Variants in PLEC observed in about 807,000 individuals in gnomAD.
PLEC encodes the protein plectin, also known as hemidesmosomal protein 1.
In PLEC, 216 loss-of-function variants were observed where a neutral mutation model predicts 392.8. The ratio of observed to expected loss-of-function variants is 0.55; its 90% CI spans 0.49 to 0.62. The LOEUF (loss-of-function observed/expected upper bound fraction) is 0.62, where lower values mean the gene tolerates loss of function less well. Among genes scored for constraint, PLEC ranks in the 20% least tolerant of loss-of-function variants. PLEC has a pLI of 0.00. For synonymous variants in PLEC, 3,621 were observed against 2,980.6 expected, an observed-to-expected ratio of 1.21 and a Z score of -7.00; for missense variants, 6,863 against 6,563.4, an observed-to-expected ratio of 1.05 and a Z score of -1.58.
At chr8:143,967,337 TG>T (rs1554742598) in intron 1 of PLEC, among the ~76,000 whole-genome samples, 1 of 116,922 alleles carries the variant, frequency 8.6e-6, no homozygotes, top group Non-Finnish European at 1.6e-5. Flanking sequence ...CATTCCAGCC[TG>T]GGCAACAGAG....
chr8:143,917,538 T>C lies in PLEC; in HGVS notation c.12283A>G (p.Thr4095Ala). ...TGCAGGTAGGTGAGGTTCTCCTCCG[T>C]GTTAGGGTCAAAGAAGCCCTTGGTG... is the stretch of plus-strand genomic sequence containing the variant. ...DDTKGFFDPNTEENLTYLQLM... is the reference protein window; with the variant it reads ...DDTKGFFDPNAEENLTYLQLM... Residue 4095 changes from threonine (T) to alanine (A), a missense_variant, in exon 32 of 32, where the codon ACG becomes GCG. By Grantham distance (58) the Thr-to-Ala change is moderately conservative. Transcript: ENST00000345136. 1.2e-6 allele frequency: 2 copies of C among 1,613,900 alleles called. No homozygotes were observed. The highest frequency in any genetic ancestry group is 1.1e-5 in the South Asian group (1 of 91,078).
At chr8:143,966,438 G>A (rs868928934) in intron 1 of PLEC, among the ~76,000 whole-genome samples, 3 of 152,196 alleles carry the variant, frequency 2.0e-5, no homozygotes, top group African/African-American at 4.8e-5. Context: ...AAGGCTAAGC[G>A]CTGGCTCTTC....
chr8:143,952,113 C>A (rs185259673), upstream of PLEC, among the ~76,000 whole-genome samples: 1,691 of 152,242 alleles, frequency 0.011, 13 homozygotes, highest in Admixed American at 0.017. Context: ...AGCCGGCAGG[C>A]GGCCAACAAG....
Position 143,930,551 on chromosome 8 carries a change from C to T in PLEC, c.2305-15G>A, listed in dbSNP as rs972598339. ...TCCTTCTCGTCCTGTGGGGGAGGGG[C>T]AGCATCCAGACGAGGGCCATGGAGA... On this transcript the variant is annotated splice_polypyrimidine_tract_variant and intron_variant, in intron 19 of 31. Coordinates refer to ENST00000345136, the MANE Select transcript of PLEC (RefSeq NM_201384.3). The T allele has an allele frequency of 1.9e-5, 30 of 1,576,828 alleles. No individual in the cohort carries two copies. The highest frequency in any genetic ancestry group is 3.3e-4 in the Middle Eastern group (2 of 6,032).
At position 143,924,347 on chromosome 8, in the gene PLEC, G is replaced by C. The variant is rs200949161; in HGVS notation, c.5582C>G (p.Ala1861Gly). Residue 1861 changes from alanine to glycine, a missense_variant, in exon 31 of 32, where the codon GCG (alanine) becomes GGG (glycine). Transcript: ENST00000345136. ...CAGCCGCCGCAGGCGCTCGTTCTCC[G>C]CCTCCTTCTCCTTGAGCGCGATCTC... Reference protein sequence around the residue: ...EAEIALKEKEAENERLRRLAE... With the variant: ...EAEIALKEKEGENERLRRLAE... 6.3e-7 allele frequency: 1 copy of C among 1,596,764 alleles called. No homozygotes were observed. Among genetic ancestry groups the C allele is most frequent in the East Asian group, 2.2e-5 (1 of 44,746 alleles).
intron 5 of PLEC, among the ~76,000 whole-genome samples, chr8:143,936,753 G>C (rs1829153686): frequency 6.6e-6 from 1 of 152,224 alleles, no homozygotes; most frequent in African/African-American, 2.4e-5. Flanking sequence ...GCCAGGGCCA[G>C]AGGGCACGGA....
Position 143,932,021 on chromosome 8 carries a change from C to G in PLEC, c.2094G>C (p.Ala698=), listed in dbSNP as rs373347166. ...TCCAGCTCCACTGCGTCTGCAGGGC[C>G]GCCTGGAAGGACTGCGGGACAGCAG... is the stretch of plus-strand genomic sequence containing the variant. ...PARPTVESFQ[A]ALQTQWSWML... The change falls in exon 18 of 32, where the codon GCG becomes GCC. Residue 698 remains alanine, a synonymous_variant. Coordinates refer to ENST00000345136, the MANE Select transcript of PLEC (RefSeq NM_201384.3). The G allele has an allele frequency of 1.5e-5, 24 of 1,601,814 alleles. No homozygotes were observed. The highest frequency in any genetic ancestry group is 2.0e-5 in the Non-Finnish European group (24 of 1,175,246).
chr8:143,924,351 CCTT>C lies in PLEC; in HGVS notation c.5575_5577del (p.Lys1859del), dbSNP rs782464425. On this transcript the variant is annotated inframe_deletion, in exon 31 of 32. Coordinates refer to ENST00000345136, the MANE Select transcript of PLEC (RefSeq NM_201384.3). ...CGCCGCAGGCGCTCGTTCTCCGCCT[CCTT>C]CTCCTTGAGCGCGATCTCCGCCTCC... The C allele has an allele frequency of 1.6e-5, 25 of 1,597,022 alleles. No homozygotes were observed. The highest frequency in any genetic ancestry group is 2.2e-5 in the East Asian group (1 of 44,798).
At chr8:143,947,765 A>C (rs536763055) in intron 1 of PLEC, among the ~76,000 whole-genome samples, 1 of 152,208 alleles carries the variant, frequency 6.6e-6, no homozygotes, top group Admixed American at 6.5e-5. Context: ...AATAAGTAAA[A>C]TAAAAATGAA....
chr8:143,952,194 ACACACACACACACACGCGCG>A (rs1313553787), upstream of PLEC, among the ~76,000 whole-genome samples: 1 of 124,578 alleles, frequency 8.0e-6, no homozygotes, highest in Non-Finnish European at 1.7e-5. Context: ...ACACACACAC[ACACACACACACACACGCGCG>A]CACACACGCA....
chr8:143,938,742 G>A (rs1283700005), intron 1 of PLEC, 50 bp from the exon 2 acceptor site: 6 of 1,528,572 alleles, frequency 3.9e-6, no homozygotes, highest in Non-Finnish European at 4.5e-6. Flanking sequence ...AGCCCCGGGG[G>A]CCCTCAGGTG....
At chr8:143,930,603 A>G in intron 19 of PLEC, 67 bp from the exon 20 acceptor site, 1 of 1,519,782 alleles carries the variant, frequency 6.6e-7, no homozygotes, top group Non-Finnish European at 8.9e-7. Flanking sequence ...AGGCACCCCC[A>G]GACCCCGGGA....
rs782464700 is a variant in PLEC, at chr8:143,927,313, C to A, written c.3779G>T (p.Arg1260Leu). 1.9e-6 allele frequency: 3 copies of A among 1,613,156 alleles called. No homozygotes were observed. The highest frequency in any genetic ancestry group is 2.5e-6 in the Non-Finnish European group (3 of 1,179,930). The change falls in exon 28 of 32, where the codon CGC (arginine) becomes CTC (leucine). Residue 1260 changes from arginine to leucine, a missense_variant. Coordinates refer to ENST00000345136, the MANE Select transcript of PLEC (RefSeq NM_201384.3). ...GCACTCCTCGACCTTCTCGCCGTGG[C>A]GCTCGATCTCCTCCAGCAGGGCCTG... The part of the protein sequence containing the change: ...QEQALLEEIE[R>L]HGEKVEECQR...
chr8:143,956,328 G>A (rs928885240), upstream of PLEC, among the ~76,000 whole-genome samples: 4 of 152,174 alleles, frequency 2.6e-5, no homozygotes, highest in African/African-American at 9.7e-5. Flanking sequence ...AGCACTTTCC[G>A]AGGCTGAGAC....
At position 143,922,127 on chromosome 8, in the gene PLEC, C is replaced by T. The variant is rs1554688432; in HGVS notation, c.7694G>A (p.Gly2565Asp). 1.3e-6 allele frequency: 2 copies of T among 1,541,634 alleles called. No individual in the cohort carries two copies. Among genetic ancestry groups the T allele is most frequent in the Non-Finnish European group, 1.7e-6 (2 of 1,149,608 alleles). Reference sequence around the variant, plus strand: ...CAGCTCCTCCTGCTTGCGCCGCACGCCCTCCTCGGCCTCATGCTGCCGCCG... The same window carrying T: ...CAGCTCCTCCTGCTTGCGCCGCACGTCCTCCTCGGCCTCATGCTGCCGCCG... The part of the protein sequence containing the change: ...ARRRQHEAEE[G>D]VRRKQEELQQ... Residue 2565 changes from glycine to aspartate, a missense_variant, in exon 32 of 32, where the codon GGC (glycine) becomes GAC (aspartate). Physicochemically the swap from Gly to Asp is moderately conservative, Grantham distance 94. Coordinates refer to ENST00000345136, the MANE Select transcript of PLEC (RefSeq NM_201384.3).
intron 1 of PLEC, among the ~76,000 whole-genome samples, chr8:143,966,601 C>T (rs1224806862): frequency 6.6e-6 from 1 of 152,196 alleles, no homozygotes; most frequent in Middle Eastern, 3.2e-3. Flanking sequence ...CCCTCCCACC[C>T]AACGCTTGTT....
In PLEC at chr8:143,927,436, C is replaced by T. The variant is rs782649007; in HGVS notation, c.3730G>A (p.Val1244Met). The T allele has an allele frequency of 5.6e-6, 9 of 1,600,994 alleles. No individual in the cohort carries two copies. Among genetic ancestry groups the T allele is most frequent in the Non-Finnish European group, 7.6e-6 (9 of 1,178,776 alleles). Residue 1244 changes from valine (V) to methionine (M), a missense_variant, in exon 27 of 32, where the codon GTG becomes ATG. Coordinates refer to ENST00000345136, the MANE Select transcript of PLEC (RefSeq NM_201384.3). ...TGCTCCTGCCGCAGCTGCTCCCGCA[C>T]AGCCTGGCTGTCGGCCAGCGGCATG... ...QAMPLADSQA[V>M]REQLRQEQAL... is the part of the protein sequence containing the mutation.
rs757255879 is a variant in PLEC, at chr8:143,932,673, A to G, written c.1777T>C (p.Cys593Arg). 5.0e-6 allele frequency: 8 copies of G among 1,610,376 alleles called. No homozygotes were observed. Among genetic ancestry groups the G allele is most frequent in the Non-Finnish European group, 6.8e-6 (8 of 1,179,012 alleles). The change falls in exon 15 of 32, where the codon TGC becomes CGC. Residue 593 changes from cysteine to arginine, a missense_variant. Cys to Arg is a radical substitution (Grantham distance 180). Transcript: ENST00000345136. ...SPATRGAYRD[C>R]LGRLDLQYAK... The stretch of plus-strand genomic sequence containing the variant: ...TACTGCAGGTCCAGCCGACCCAGGC[A>G]GTCACGGTAGGCACCCCGGGTGGCG...
At chr8:143,935,789 A>C in intron 6 of PLEC, 59 bp downstream of exon 6, 2 of 1,575,486 alleles carry the variant, frequency 1.3e-6, no homozygotes, top group African/African-American at 1.3e-5. Context: ...GAAGTTGCCT[A>C]GTGGAGGCGC....
Sources: gnomAD v4.1 joint callset for allele counts (sites outside exome capture counted in the v4.1 genomes callset) on GRCh38, gnomAD v4.1.1 for gene constraint, MANE v1.5 for transcripts, NCBI Gene and HGNC (gene_info 2026-07-23, HGNC 2026-07-21) for gene names.